SNAPC5: variants seen among roughly 807,000 people sequenced by gnomAD.
SNAPC5 encodes snRNA-activating protein complex subunit 5.
In SNAPC5, 12 loss-of-function variants were observed where a neutral mutation model predicts 9.1. That is an observed-to-expected ratio of 1.32 (90% CI 0.85 to 2.15). The LOEUF (loss-of-function observed/expected upper bound fraction) is 2.15, where lower values mean the gene tolerates loss of function less well. Ranked by LOEUF, SNAPC5 falls within the 30% of genes most tolerant of loss-of-function variation. SNAPC5 has a pLI of 0.00. For missense variants in SNAPC5, 132 were observed against 114.4 expected (o/e 1.15, Z -0.70); for synonymous variants, 52 against 47.3 (o/e 1.10, Z -0.41).
downstream of SNAPC5, chr15:66,490,020 G>T: frequency 1.7e-6 from 1 of 587,574 alleles, no homozygotes; most frequent in Non-Finnish European, 3.0e-6. Context: ...GAAAAGGCCA[G>T]CCCACCCCCT....
At position 66,494,469 on chromosome 15, in the gene SNAPC5, C is replaced by T. The variant is rs1567030648; in HGVS notation, c.264G>A (p.Glu88=). 12 of 1,613,482 alleles carry T rather than the reference C, an allele frequency of 7.4e-6. No homozygotes were observed. In the South Asian group the frequency reaches 1.2e-4, roughly 16 times the overall value. ...LSTKSHVTEE[E]EEEEEEESDS is the part of the protein sequence containing the mutation. Reference sequence around the variant, plus strand: ...CTGATTCTTCTTCCTCTTCCTCCTCCTCCTCTTCCGTCACATGACTCTTTG... The same window carrying T: ...CTGATTCTTCTTCCTCTTCCTCCTCTTCCTCTTCCGTCACATGACTCTTTG... The change falls in exon 3 of 3, where the codon GAG becomes GAA. Residue 88 remains glutamate (E), a synonymous_variant. Coordinates refer to ENST00000316634, the MANE Select transcript of SNAPC5 (RefSeq NM_001329615.2).
chr15:66,491,194 CATG>C (rs1209251101), downstream of SNAPC5: 1 of 261,992 alleles, frequency 3.8e-6, no homozygotes, highest in Admixed American at 4.8e-5. Context: ...CCTTCACTGC[CATG>C]ATAGCTGGGG....
downstream of SNAPC5, chr15:66,491,753 C>T: frequency 5.6e-6 from 2 of 358,380 alleles, no homozygotes; most frequent in Non-Finnish European, 1.1e-5. Flanking sequence ...ACACCCTTAT[C>T]TGTGACTCTT....
chr15:66,490,303 A>AGGCC, downstream of SNAPC5: 1 of 691,932 alleles, frequency 1.4e-6, no homozygotes, highest in African/African-American at 1.8e-5. Context: ...GACTTGCCCA[A>AGGCC]GGCCTCACAG....
downstream of SNAPC5, chr15:66,490,357 C>T (rs761802630): frequency 4.0e-5 from 30 of 749,042 alleles, no homozygotes; most frequent in African/African-American, 4.9e-4. Context: ...GCAGCTGGCC[C>T]CACTGTTGCT....
At position 66,495,330 on chromosome 15, in the gene SNAPC5, A is replaced by G. The variant is rs1034939293; in HGVS notation, c.180T>C (p.Asp60=). Residue 60 remains aspartate (D), a splice_region_variant and synonymous_variant, in exon 2 of 3, where the codon GAT becomes GAC. Transcript: ENST00000316634. ...SSHTVPEQSH[D]MLVHVDNEAS... ...TAGGCCTGCACTTGATTAAGCTTAC[A>G]TCATGTGACTGTTCAGGTACAGTGT... 6.4e-7 allele frequency: 1 copy of G among 1,560,336 alleles called. No individual in the cohort carries two copies.
downstream of SNAPC5, chr15:66,491,974 G>C (rs1162401724): frequency 2.2e-6 from 1 of 456,654 alleles, no homozygotes; most frequent in Non-Finnish European, 4.4e-6. Context: ...GCTCATAGGA[G>C]GGCCTTGCTG....
chr15:66,490,361 T>C (rs1893209882), downstream of SNAPC5: 1 of 755,322 alleles, frequency 1.3e-6, no homozygotes, highest in East Asian at 2.5e-5. Context: ...CTGGCCCCAC[T>C]GTTGCTCAGG....
At chr15:66,490,484 T>C (rs1251638148), downstream of SNAPC5, 1 of 1,560,960 alleles carries the variant, frequency 6.4e-7, no homozygotes, top group Non-Finnish European at 8.8e-7. Flanking sequence ...CCACGTCCTC[T>C]CGTTTCCTTA....
chr15:66,491,323 T>C, downstream of SNAPC5: 1 of 234,058 alleles, frequency 4.3e-6, no homozygotes, highest in Non-Finnish European at 8.4e-6. Context: ...TTGATTAATG[T>C]TTCTTAAATG....
chr15:66,493,717 TA>T lies in SNAPC5; in HGVS notation c.*718del, dbSNP rs1334934774. Reference sequence around the variant, plus strand: ...TCTTCCAAGCATGGCACATCTCTCTTAAGGACCAGAAATGGATTTCAAACCA... The same window carrying T: ...TCTTCCAAGCATGGCACATCTCTCTTAGGACCAGAAATGGATTTCAAACCA... On this transcript the variant is annotated 3_prime_UTR_variant, in exon 3 of 3. Transcript: ENST00000316634. 4 of 152,306 alleles carry T rather than the reference TA, an allele frequency of 2.6e-5. No homozygotes were observed. The highest frequency in any genetic ancestry group is 4.4e-5 in the Non-Finnish European group (3 of 68,034). The allele number at this position is 152,306 out of a possible 1,614,324, so 9.4% of individuals were successfully genotyped here. A position where few individuals can be genotyped will look rare whatever the true frequency, so the allele number is the denominator to read the frequency against.
At chr15:66,491,890 T>C (rs931325552), downstream of SNAPC5, 5 of 446,480 alleles carry the variant, frequency 1.1e-5, no homozygotes, top group African/African-American at 8.1e-5. Context: ...ACATTTCTTA[T>C]CTCACAGAAC....
chr15:66,491,964 G>A (rs1437763832), downstream of SNAPC5: 1 of 456,640 alleles, frequency 2.2e-6, no homozygotes, highest in Non-Finnish European at 4.4e-6. Context: ...AGGCTGTCAT[G>A]CTCATAGGAG....
At chr15:66,493,029 G>A (rs1893308106), downstream of SNAPC5, among the ~76,000 whole-genome samples, 1 of 152,176 alleles carries the variant, frequency 6.6e-6, no homozygotes, top group African/African-American at 2.4e-5. Context: ...TTCCCAAACT[G>A]TCTTCCCATT....
downstream of SNAPC5, chr15:66,491,748 CT>C (rs1893265677): frequency 2.8e-6 from 1 of 357,226 alleles, no homozygotes; most frequent in Non-Finnish European, 5.5e-6. Flanking sequence ...ACCCAACACC[CT>C]TATCTGTGAC....
downstream of SNAPC5, chr15:66,489,848 C>A (rs569157090): frequency 8.1e-6 from 9 of 1,109,154 alleles, no homozygotes; most frequent in African/African-American, 1.2e-4. Context: ...ACTTCCAGAG[C>A]CCATTCATTC....
Position 66,494,543 on chromosome 15 carries a change from G to A in SNAPC5, c.190C>T (p.His64Tyr). 6.2e-7 allele frequency: 1 copy of A among 1,612,610 alleles called. No individual in the cohort carries two copies. Among genetic ancestry groups the A allele is most frequent in the Non-Finnish European group, 8.5e-7 (1 of 1,178,790 alleles). The change falls in exon 3 of 3, where the codon CAT (histidine) becomes TAT (tyrosine). Residue 64 changes from histidine to tyrosine, a missense_variant. Transcript: ENST00000316634. ...TTGATTGATGCTTCATTGTCTACATGCACCAACATCTGTATTGGCCAAGGG... is the reference window on the plus strand; with the variant it reads ...TTGATTGATGCTTCATTGTCTACATACACCAACATCTGTATTGGCCAAGGG... Reference protein sequence around the residue: ...VPEQSHDMLVHVDNEASINQT... With the variant: ...VPEQSHDMLVYVDNEASINQT...
chr15:66,494,542 T>G lies in SNAPC5; in HGVS notation c.191A>C (p.His64Pro). Residue 64 changes from histidine (H) to proline (P), a missense_variant, in exon 3 of 3, where the codon CAT (histidine) becomes CCT (proline). By Grantham distance (77) the His-to-Pro change is moderately conservative (BLOSUM62 -2). Coordinates refer to ENST00000316634, the MANE Select transcript of SNAPC5 (RefSeq NM_001329615.2). The part of the protein sequence containing the change: ...VPEQSHDMLV[H>P]VDNEASINQT... ...GTTGATTGATGCTTCATTGTCTACA[T>G]GCACCAACATCTGTATTGGCCAAGG... 6.2e-7 allele frequency: 1 copy of G among 1,612,968 alleles called. No homozygotes were observed. Among genetic ancestry groups the G allele is most frequent in the Non-Finnish European group, 8.5e-7 (1 of 1,179,010 alleles).
At chr15:66,497,012 C>G (rs1351307159) in intron 1 of SNAPC5, 1 of 155,254 alleles carries the variant, frequency 6.4e-6, no homozygotes, top group Non-Finnish European at 1.5e-5. Flanking sequence ...GAGACGAGGT[C>G]TCACTATATT....
Sources: gnomAD v4.1 joint callset for allele counts (sites outside exome capture counted in the v4.1 genomes callset) on GRCh38, gnomAD v4.1.1 for gene constraint, MANE v1.5 for transcripts, NCBI Gene and HGNC (gene_info 2026-07-23, HGNC 2026-07-21) for gene names.